The following CTNNA3 variants were observed in gnomAD, a reference collection of about 807,000 sequenced individuals.
CTNNA3 encodes catenin alpha 3.
A neutral mutation model predicts 95.7 loss-of-function variants in CTNNA3; 76 were observed. That is an observed-to-expected ratio of 0.79 (90% CI 0.66 to 0.96). The LOEUF (loss-of-function observed/expected upper bound fraction) is 0.96, where lower values mean the gene tolerates loss of function less well. Among genes scored for constraint, CTNNA3 ranks in the 40% least tolerant of loss-of-function variants. The probability of loss-of-function intolerance (pLI) is 0.00; values close to 1 mark genes in which losing one functional copy is unlikely to be tolerated. For synonymous variants in CTNNA3, 431 were observed against 374.4 expected, an observed-to-expected ratio of 1.15 and a Z score of -1.74; for missense variants, 1,191 against 1,089.8, an observed-to-expected ratio of 1.09 and a Z score of -1.31.
chr10:66,491,537 C>G (rs1209550857), intron 11 of CTNNA3, among the ~76,000 whole-genome samples: 1 of 152,004 alleles, frequency 6.6e-6, no homozygotes, highest in East Asian at 1.9e-4. Context: ...TGAAAAAACC[C>G]TACATATTTG....
chr10:66,415,998 A>G (rs577998411), intron 11 of CTNNA3, among the ~76,000 whole-genome samples: 6 of 152,216 alleles, frequency 3.9e-5, no homozygotes, highest in Non-Finnish European at 8.8e-5. Context: ...GTAAAAATTC[A>G]ATTATTGATT....
At chr10:67,550,160 G>C (rs949797640) in intron 3 of CTNNA3, among the ~76,000 whole-genome samples, 7 of 152,110 alleles carry the variant, frequency 4.6e-5, no homozygotes, top group African/African-American at 1.7e-4. Context: ...ACATAAAGTT[G>C]AGTTTATCCC....
intron 5 of CTNNA3, among the ~76,000 whole-genome samples, chr10:67,464,343 G>A (rs375792731): frequency 1.1e-4 from 17 of 152,020 alleles, no homozygotes; most frequent in South Asian, 2.1e-4. Context: ...ATAATAACTC[G>A]CGAATAAAAA....
chr10:67,633,993 C>T (rs1304900878), intron 2 of CTNNA3, among the ~76,000 whole-genome samples: 1 of 152,074 alleles, frequency 6.6e-6, no homozygotes, highest in Non-Finnish European at 1.5e-5. Context: ...CAGTAAGATG[C>T]TCCATGAGAA....
intron 7 of CTNNA3, among the ~76,000 whole-genome samples, chr10:66,813,165 C>T (rs1362197061): frequency 2.6e-5 from 4 of 152,132 alleles, no homozygotes; most frequent in Non-Finnish European, 5.9e-5. Flanking sequence ...ATTCAATTTG[C>T]TTATCTTCTG....
chr10:67,241,795 A>G (rs1865723903), intron 5 of CTNNA3, among the ~76,000 whole-genome samples: 1 of 152,258 alleles, frequency 6.6e-6, no homozygotes, highest in Non-Finnish European at 1.5e-5. Context: ...AAAAGAAGAA[A>G]TGGACATTTG....
At chr10:67,048,355 A>T (rs192829384) in intron 7 of CTNNA3, among the ~76,000 whole-genome samples, 3 of 152,218 alleles carry the variant, frequency 2.0e-5, no homozygotes, top group African/African-American at 7.2e-5. Flanking sequence ...TTGAGAAAAC[A>T]AAGCCAGTAC....
At chr10:67,041,362 A>C (rs548289615) in intron 7 of CTNNA3, among the ~76,000 whole-genome samples, 1 of 152,260 alleles carries the variant, frequency 6.6e-6, no homozygotes, top group South Asian at 2.1e-4. Flanking sequence ...ACTATAAATA[A>C]TAGAGGTTAC....
intron 1 of CTNNA3, among the ~76,000 whole-genome samples, chr10:67,704,548 C>T (rs11818598): frequency 1.1e-4 from 17 of 152,224 alleles, no homozygotes; most frequent in South Asian, 4.2e-4. Context: ...ATTTAATAAA[C>T]GGTGCTGGGA....
At chr10:66,516,086 C>CCCATCTAT (rs1840847338) in intron 11 of CTNNA3, among the ~76,000 whole-genome samples, 1 of 98,464 alleles carries the variant, frequency 1.0e-5, no homozygotes, top group Non-Finnish European at 2.1e-5. Context: ...AAAAAGGTAA[C>CCCATCTAT]CCATCTATTC....
At chr10:67,387,411 C>T (rs1169839349) in intron 5 of CTNNA3, among the ~76,000 whole-genome samples, 1 of 152,076 alleles carries the variant, frequency 6.6e-6, no homozygotes, top group Admixed American at 6.5e-5. Flanking sequence ...GGGTCCTACG[C>T]CCCACGGAGT....
chr10:67,074,412 A>C (rs528771628), intron 7 of CTNNA3, among the ~76,000 whole-genome samples: 1 of 126,316 alleles, frequency 7.9e-6, no homozygotes, highest in African/African-American at 3.1e-5. Context: ...GTGCAGTGGC[A>C]CGATCTCGGC....
chr10:66,022,088 G>A (rs1354911540), intron 15 of CTNNA3, among the ~76,000 whole-genome samples: 7 of 151,754 alleles, frequency 4.6e-5, no homozygotes, highest in Non-Finnish European at 1.0e-4. Flanking sequence ...AAACTTTTGG[G>A]CTCAAACAAT....
intron 7 of CTNNA3, among the ~76,000 whole-genome samples, chr10:66,934,517 T>C (rs1847583964): frequency 6.6e-6 from 1 of 152,188 alleles, no homozygotes; most frequent in African/African-American, 2.4e-5. Context: ...GACACTTCTC[T>C]TTCCTCTACA....
chr10:66,887,845 G>T (rs181355466), intron 7 of CTNNA3, among the ~76,000 whole-genome samples: 1 of 152,274 alleles, frequency 6.6e-6, no homozygotes, highest in Admixed American at 6.5e-5. Context: ...GTGCTTTGCA[G>T]ATTTGAGGAC....
chr10:66,373,130 T>C (rs2092766409), intron 12 of CTNNA3, among the ~76,000 whole-genome samples: 1 of 152,188 alleles, frequency 6.6e-6, no homozygotes, highest in Non-Finnish European at 1.5e-5. Context: ...TCACTTTAGA[T>C]TACTCCATGT....
At chr10:67,088,040 T>A (rs997193761) in intron 7 of CTNNA3, among the ~76,000 whole-genome samples, 1 of 152,034 alleles carries the variant, frequency 6.6e-6, no homozygotes, top group Non-Finnish European at 1.5e-5. Context: ...AATAATATCA[T>A]GTGGAAATAC....
At position 65,988,708 on chromosome 10, in the gene CTNNA3, C is replaced by A. The variant is rs367848292; in HGVS notation, c.2249G>T (p.Arg750Leu). Residue 750 changes from arginine to leucine, a missense_variant, in exon 16 of 18, where the codon CGG becomes CTG. By Grantham distance (102) the Arg-to-Leu change is moderately radical. Coordinates refer to ENST00000433211, the MANE Select transcript of CTNNA3 (RefSeq NM_013266.4). ...GTAACTCACCTGATTAGCAATCTGC[C>A]GAGCAAGGACATCCATCCTTGATCC... ...ESGSRMDVLA[R>L]QIANQCPDPS... 7 of 1,612,858 alleles carry A rather than the reference C, an allele frequency of 4.3e-6. No homozygotes were observed. The highest frequency in any genetic ancestry group is 3.3e-5 in the South Asian group (3 of 91,022).
intron 7 of CTNNA3, among the ~76,000 whole-genome samples, chr10:66,953,021 T>C (rs551017431): frequency 7.9e-5 from 12 of 152,166 alleles, no homozygotes; most frequent in African/African-American, 2.2e-4. Flanking sequence ...ACTATGTTCT[T>C]TACCTTCCAC....
Sources: allele counts gnomAD v4.1 joint callset (sites outside exome capture counted in the v4.1 genomes callset), GRCh38; gene constraint gnomAD v4.1.1; transcripts MANE v1.5; gene names NCBI Gene and HGNC (gene_info 2026-07-23, HGNC 2026-07-21).